The following EFEMP1 variants were observed in gnomAD, a reference collection of about 807,000 sequenced individuals.
EFEMP1 encodes EGF-like fibulin extracellular matrix protein 1, also known as EGF-containing fibulin-like extracellular matrix protein 1.
Under a neutral mutation model 65.7 loss-of-function variants are expected in EFEMP1, and 18 were observed. The ratio of observed to expected loss-of-function variants is 0.27; its 90% CI spans 0.19 to 0.41. The LOEUF (loss-of-function observed/expected upper bound fraction) is 0.41, where lower values mean the gene tolerates loss of function less well. Among genes scored for constraint, EFEMP1 ranks in the 10% least tolerant of loss-of-function variants. The pLI is 1.00. For synonymous variants in EFEMP1, 237 were observed against 219.7 expected (o/e 1.08, Z -0.70); for missense variants, 469 against 624.8 (o/e 0.75, Z 2.66).
In EFEMP1 at chr2:55,922,429, G is replaced by A. The variant is rs539120761; in HGVS notation, c.12C>T (p.Ala4=). 8 of 1,613,736 alleles carry A rather than the reference G, an allele frequency of 5.0e-6. No homozygotes were observed. The Admixed American group carries it at 1.2e-4, about 24-fold the overall frequency. Residue 4 remains alanine (A), a synonymous_variant, in exon 3 of 12, where the codon GCC becomes GCT. Coordinates refer to ENST00000355426, the MANE Select transcript of EFEMP1 (RefSeq NM_001039348.3). This position sits in a 1 kb window ranked among gnomAD's most constrained non-coding sequence, Gnocchi z 5.5. MLK[A]LFLTMLTLAL... Reference sequence around the variant, plus strand: ...CCAGAGTCAGCATAGTTAGGAAAAGGGCTTTCAACATTGTGAATCTCAAAG... The same window carrying A: ...CCAGAGTCAGCATAGTTAGGAAAAGAGCTTTCAACATTGTGAATCTCAAAG...
Position 55,899,810 on chromosome 2 carries a change from C to G in EFEMP1, c.517+17855G>C, listed in dbSNP as rs571661353. 1.6e-3 allele frequency among the ~76,000 whole-genome samples: 239 copies of G among 152,264 alleles called. 1 individual carries two copies. Among genetic ancestry groups the G allele is most frequent in the Non-Finnish European group, 2.0e-3 (136 of 68,016 alleles). ...TCTGCTGCAACACATTCACAGGTCA[C>G]CTCTCTGAAGGATTAAATGCAATGC... is the stretch of plus-strand genomic sequence containing the variant. On this transcript the variant is annotated intron_variant, in intron 5 of 11. Coordinates refer to ENST00000355426, the MANE Select transcript of EFEMP1 (RefSeq NM_001039348.3).
At position 55,917,975 on chromosome 2, in the gene EFEMP1, G is replaced by T. The variant is rs12292; in HGVS notation, c.207C>A (p.Leu69=). The T allele has an allele frequency of 6.7e-3, 10,764 of 1,614,210 alleles. 587 individuals carry two copies. The African/African-American group carries it at 0.12, about 18-fold the overall frequency. Residue 69 remains leucine, a synonymous_variant, in exon 5 of 12, where the codon CTC becomes CTA. Transcript: ENST00000355426. This position sits in a 1 kb window ranked among gnomAD's most constrained non-coding sequence, Gnocchi z 6.3. ...MKCVNHYGGY[L]CLPKTAQIIV... The stretch of plus-strand genomic sequence containing the variant: ...TAATCTGGGCTGTTTTCGGAAGGCA[G>T]AGGTATCCTCCATAGTGGTTGACAC...
At chr2:55,916,735 T>G (rs72811718) in intron 5 of EFEMP1, among the ~76,000 whole-genome samples, 1,995 of 152,278 alleles carry the variant, frequency 0.013, 43 homozygotes, top group African/African-American at 0.045. Flanking sequence ...GTCTGGAGGC[T>G]CCTATGGCCC....
chr2:55,880,366 T>C (rs572550132), intron 6 of EFEMP1, among the ~76,000 whole-genome samples: 1 of 152,344 alleles, frequency 6.6e-6, no homozygotes, highest in East Asian at 1.9e-4. Context: ...AGTTCTTTTT[T>C]CTGTACTTTT....
chr2:55,884,842 G>A (rs929868536), intron 5 of EFEMP1, among the ~76,000 whole-genome samples: 1 of 152,096 alleles, frequency 6.6e-6, no homozygotes, highest in African/African-American at 2.4e-5. Context: ...GGTGGGGATG[G>A]GGGATCTATG....
intron 5 of EFEMP1, among the ~76,000 whole-genome samples, chr2:55,913,993 G>C (rs1160494768): frequency 2.0e-5 from 3 of 152,058 alleles, no homozygotes; most frequent in Non-Finnish European, 4.4e-5. Context: ...CTGGGTGACA[G>C]CGTGAGACTC....
intron 5 of EFEMP1, among the ~76,000 whole-genome samples, chr2:55,897,214 T>C (rs565139811): frequency 6.6e-6 from 1 of 152,330 alleles, no homozygotes; most frequent in South Asian, 2.1e-4. Flanking sequence ...GCACCCACTA[T>C]GCTTTGCATT....
rs1355185084 is a variant in EFEMP1, at chr2:55,918,240, G to A, written c.109C>T (p.Pro37Ser). The change falls in exon 4 of 12, where the codon CCT becomes TCT. Residue 37 changes from proline (P) to serine (S), a missense_variant. Physicochemically the swap from Pro to Ser is moderately conservative, Grantham distance 74. Around this residue, in one of 3 missense-constraint regions of EFEMP1, gnomAD observed 66 missense variants for 73.0 expected, o/e 0.90. Coordinates refer to ENST00000355426, the MANE Select transcript of EFEMP1 (RefSeq NM_001039348.3). The stretch of plus-strand genomic sequence containing the variant: ...TCACCTTTGCATTGCTGTCTCACAG[G>A]ATCCCACTCATATCCGTCAGTGCAT... Reference protein sequence around the residue: ...TQCTDGYEWDPVRQQCKDIDE... With the variant: ...TQCTDGYEWDSVRQQCKDIDE... 1 of 1,614,154 alleles carries A rather than the reference G, an allele frequency of 6.2e-7. No individual in the cohort carries two copies. The highest frequency in any genetic ancestry group is 8.5e-7 in the Non-Finnish European group (1 of 1,180,014).
rs186206418 is a variant in EFEMP1 at position 55,922,139 on chromosome 2, A to C, written c.81+221T>G. On this transcript the variant is annotated intron_variant, in intron 3 of 11. Transcript: ENST00000355426. The surrounding 1 kb of genome is among the most constrained non-coding windows in gnomAD (Gnocchi z 5.5). ...CATTTTTAGCCCTGCACAAATGATTACATGTTGGTTCCTATCTTAGGTGGT... is the reference window on the plus strand; with the variant it reads ...CATTTTTAGCCCTGCACAAATGATTCCATGTTGGTTCCTATCTTAGGTGGT... 199 of 519,422 alleles carry C rather than the reference A, an allele frequency of 3.8e-4. No homozygotes were observed. Among genetic ancestry groups the C allele is most frequent in the Non-Finnish European group, 3.9e-4 (112 of 283,976 alleles). 32.2% of individuals were successfully genotyped at this position (519,422 alleles called of 1,614,324 possible). A position where few individuals can be genotyped will look rare whatever the true frequency, so the allele number is the denominator to read the frequency against.
chr2:55,876,290 G>C (rs1669033237), intron 8 of EFEMP1, among the ~76,000 whole-genome samples: 1 of 152,018 alleles, frequency 6.6e-6, no homozygotes, highest in South Asian at 2.1e-4. Context: ...AGGAGGTCTG[G>C]GTTGCAGCCT....
chr2:55,919,528 T>A lies in EFEMP1; in HGVS notation c.82-1261A>T, dbSNP rs1670840130. On this transcript the variant is annotated intron_variant, in intron 3 of 11. Transcript: ENST00000355426. This position sits in a 1 kb window ranked among gnomAD's most constrained non-coding sequence, Gnocchi z 4.5. Reference sequence around the variant, plus strand: ...AAGAATTTTTAAGCTCAGGAAACAATCTGATCAGACGCTCATTTGAGAAAG... The same window carrying A: ...AAGAATTTTTAAGCTCAGGAAACAAACTGATCAGACGCTCATTTGAGAAAG... 2.0e-5 allele frequency among the ~76,000 whole-genome samples: 3 copies of A among 152,128 alleles called. No homozygotes were observed. In the South Asian group the frequency reaches 6.2e-4, roughly 32 times the overall value.
rs1047531651 is a variant in EFEMP1 at position 55,866,181 on chromosome 2, A to G, written c.*892T>C. The G allele has an allele frequency of 6.6e-6, 1 of 152,202 alleles. No individual in the cohort carries two copies. The highest frequency in any genetic ancestry group is 1.5e-5 in the Non-Finnish European group (1 of 68,036). 9.4% of individuals were successfully genotyped at this position (152,202 alleles called of 1,614,324 possible). ...AGTACGAAGATGAGAAATTTTAGTT[A>G]TAAATTAGTGAAGTGTTAGGATTTA... On this transcript the variant is annotated 3_prime_UTR_variant, in exon 12 of 12. Coordinates refer to ENST00000355426, the MANE Select transcript of EFEMP1 (RefSeq NM_001039348.3).
intron 5 of EFEMP1, among the ~76,000 whole-genome samples, chr2:55,894,147 T>C (rs574975190): frequency 1.3e-5 from 2 of 152,338 alleles, no homozygotes; most frequent in Admixed American, 1.3e-4. Flanking sequence ...TTATAAAGAC[T>C]ACCTAGCACA....
Position 55,873,604 on chromosome 2 carries a change from G to A in EFEMP1, c.1000+1342C>T, listed in dbSNP as rs1468214904. ...ATATGCATGTTGAAAGTCTCAATTA[G>A]GGTTCAGTAAGTAAAATCATTGGAA... is the stretch of plus-strand genomic sequence containing the variant. On this transcript the variant is annotated intron_variant, in intron 9 of 11. Coordinates refer to ENST00000355426, the MANE Select transcript of EFEMP1 (RefSeq NM_001039348.3). This position sits in a 1 kb window ranked among gnomAD's most constrained non-coding sequence, Gnocchi z 4.6. 6.6e-6 allele frequency among the ~76,000 whole-genome samples: 1 copy of A among 151,926 alleles called. No homozygotes were observed. Among genetic ancestry groups the A allele is most frequent in the Non-Finnish European group, 1.5e-5 (1 of 67,924 alleles).
rs1185977086 is a variant in EFEMP1 at position 55,873,626 on chromosome 2, G to A, written c.1000+1320C>T. On this transcript the variant is annotated intron_variant, in intron 9 of 11. Coordinates refer to ENST00000355426, the MANE Select transcript of EFEMP1 (RefSeq NM_001039348.3). This position sits in a 1 kb window ranked among gnomAD's most constrained non-coding sequence, Gnocchi z 4.6. ...TTAGGGTTCAGTAAGTAAAATCATT[G>A]GAATGCAATGTTTTCCCATAATTAA... Among the ~76,000 whole-genome samples, 1 of 151,890 alleles carries A rather than the reference G, an allele frequency of 6.6e-6. No individual in the cohort carries two copies. Among genetic ancestry groups the A allele is most frequent in the Non-Finnish European group, 1.5e-5 (1 of 67,898 alleles).
intron 5 of EFEMP1, among the ~76,000 whole-genome samples, chr2:55,888,334 C>CTTTTTTTTTTTTTTTTTTTTT (rs71713705): frequency 8.7e-6 from 1 of 114,308 alleles, no homozygotes; most frequent in African/African-American, 3.6e-5. Flanking sequence ...CCTTCTTAAA[C>CTTTTTTTTTTTTTTTTTTTTT]TTTTTTTTTT....
Position 55,899,544 on chromosome 2 carries a change from G to A in EFEMP1, c.518-17810C>T, listed in dbSNP as rs191642018. On this transcript the variant is annotated intron_variant, in intron 5 of 11. Transcript: ENST00000355426. ...AAGATGGAGTTCTAAAAACCATCTA[G>A]TACTTAAATCTACCTGGCTGCATTA... Among the ~76,000 whole-genome samples, 137 of 152,334 alleles carry A rather than the reference G, an allele frequency of 9.0e-4. 2 individuals are homozygous for A. The highest frequency in any genetic ancestry group is 7.6e-3 in the Admixed American group (117 of 15,298).
chr2:55,918,567 C>G (rs73940344), intron 3 of EFEMP1, among the ~76,000 whole-genome samples: 1,650 of 151,834 alleles, frequency 0.011, 39 homozygotes, highest in African/African-American at 0.038. Flanking sequence ...TCCAACTTCT[C>G]TGACTGCTCT....
intron 5 of EFEMP1, among the ~76,000 whole-genome samples, chr2:55,908,719 A>C (rs1160812878): frequency 6.6e-6 from 1 of 152,190 alleles, no homozygotes; most frequent in Admixed American, 6.5e-5. Context: ...ATTAAAAATA[A>C]AATTATAAAA....
Sources: allele counts gnomAD v4.1 joint callset (sites outside exome capture counted in the v4.1 genomes callset), GRCh38; gene constraint gnomAD v4.1.1; regional missense constraint gnomAD v4.1.1; non-coding constraint Gnocchi (gnomAD v3.1); transcripts MANE v1.5; gene names NCBI Gene and HGNC (gene_info 2026-07-23, HGNC 2026-07-21).